Variants in ARGLU1 observed in about 807,000 individuals in gnomAD.
ARGLU1 encodes arginine and glutamate rich 1, also known as arginine and glutamate-rich protein 1.
In ARGLU1, 9 loss-of-function variants were observed where a neutral mutation model predicts 37.6. That is an observed-to-expected ratio of 0.24 (90% confidence interval 0.14 to 0.42). ARGLU1 has a LOEUF of 0.42. Ranked by LOEUF, ARGLU1 falls within the 10% of genes least tolerant of loss-of-function variation. The pLI is 1.00. For missense variants in ARGLU1, 211 were observed against 359.2 expected, an observed-to-expected ratio of 0.59 and a Z score of 3.34; for synonymous variants, 166 against 138.5, an observed-to-expected ratio of 1.20 and a Z score of -1.39.
chr13:106,549,774 A>G (rs1021433311), intron 3 of ARGLU1, among the ~76,000 whole-genome samples: 5 of 152,298 alleles, frequency 3.3e-5, no homozygotes, highest in South Asian at 2.1e-4. Flanking sequence ...ACCTTAGATA[A>G]TATCTCCATG....
chr13:106,556,681 A>C (rs946750076), intron 3 of ARGLU1, among the ~76,000 whole-genome samples: 9 of 152,212 alleles, frequency 5.9e-5, no homozygotes, highest in Non-Finnish European at 1.3e-4. Context: ...CAAGCCAACT[A>C]ATACAAAGTA....
At chr13:106,564,036 C>T (rs1323787415) in intron 1 of ARGLU1, among the ~76,000 whole-genome samples, 1 of 152,150 alleles carries the variant, frequency 6.6e-6, no homozygotes, top group Admixed American at 6.5e-5. Flanking sequence ...GAAAATGGTG[C>T]TACTGGTGTG....
rs1262305877 is a variant in ARGLU1 at position 106,567,761 on chromosome 13, C to G, written c.159G>C (p.Glu53Asp). 3 of 1,612,224 alleles carry G rather than the reference C, an allele frequency of 1.9e-6. No homozygotes were observed. In the East Asian group the frequency reaches 6.7e-5, roughly 36 times the overall value. The change falls in exon 1 of 4, where the codon GAG becomes GAC. Residue 53 changes from glutamate to aspartate, a missense_variant. Physicochemically the swap from Glu to Asp is conservative, Grantham distance 45. Transcript: ENST00000400198. This position sits in a 1 kb window ranked among gnomAD's most constrained non-coding sequence, Gnocchi z 4.3. ...SRESKRNRRR[E>D]SRSRSRSTNT... ...TGGTGGAGCGCGAACGGGACCGCGA[C>G]TCCCGCCGCCGGTTCCGTTTACTTT...
intron 3 of ARGLU1, among the ~76,000 whole-genome samples, chr13:106,550,978 C>T (rs1880517809): frequency 6.6e-6 from 1 of 152,204 alleles, no homozygotes; most frequent in Non-Finnish European, 1.5e-5. Context: ...GTCCCCTACA[C>T]GTCACATCAT....
At position 106,557,700 on chromosome 13, in the gene ARGLU1, C is replaced by T; in HGVS notation, c.574-569G>A. ...ATAAAGAAACAACATACAAGGAAGG[C>T]TGAGCTGAGGAATGCAGATGTTTAT... On this transcript the variant is annotated intron_variant, in intron 2 of 3. Coordinates refer to ENST00000400198, the MANE Select transcript of ARGLU1 (RefSeq NM_018011.4). This position sits in a 1 kb window ranked among gnomAD's most constrained non-coding sequence, Gnocchi z 5.0. The T allele has an allele frequency of 6.6e-7, 1 of 1,526,444 alleles. No individual in the cohort carries two copies. Among genetic ancestry groups the T allele is most frequent in the Non-Finnish European group, 8.8e-7 (1 of 1,132,552 alleles). 94.6% of individuals were successfully genotyped at this position (1,526,444 alleles called of 1,614,324 possible).
At chr13:106,564,242 T>G (rs1347860018) in intron 1 of ARGLU1, among the ~76,000 whole-genome samples, 1 of 152,254 alleles carries the variant, frequency 6.6e-6, no homozygotes, top group East Asian at 1.9e-4. Flanking sequence ...AGGCTCGGTC[T>G]GGCTCCATGT....
intron 1 of ARGLU1, among the ~76,000 whole-genome samples, chr13:106,562,855 A>T (rs910493558): frequency 2.5e-4 from 18 of 71,554 alleles, no homozygotes; most frequent in African/African-American, 1.1e-3. Context: ...AATAAATAAA[A>T]AATAAAAATT....
rs1179497393 is a variant in ARGLU1 at position 106,557,420 on chromosome 13, C to T, written c.574-289G>A. 6 of 657,998 alleles carry T rather than the reference C, an allele frequency of 9.1e-6. No homozygotes were observed. The highest frequency in any genetic ancestry group is 1.3e-5 in the Non-Finnish European group (6 of 449,660). The allele number at this position is 657,998 out of a possible 1,614,324, so 40.8% of individuals were successfully genotyped here. On this transcript the variant is annotated intron_variant, in intron 2 of 3. Transcript: ENST00000400198. The surrounding 1 kb of genome is among the most constrained non-coding windows in gnomAD (Gnocchi z 5.0). ...TCACACAAATCAACAAGGACAACTA[C>T]AAAACTGGATAGTATTTACCAAATT...
Position 106,551,547 on chromosome 13 carries a change from C to T in ARGLU1, c.657+5501G>A, listed in dbSNP as rs111595863. Among the ~76,000 whole-genome samples the T allele has an allele frequency of 2.0e-3, 301 of 152,326 alleles. 1 individual carries two copies. Among genetic ancestry groups the T allele is most frequent in the Middle Eastern group, 0.014 (4 of 294 alleles). On this transcript the variant is annotated intron_variant, in intron 3 of 3. Transcript: ENST00000400198. ...GACTCAAAACTGGAGCCTCTACCCA[C>T]TGTCCAATTCCAAAACCACTTCCAC...
intron 1 of ARGLU1, among the ~76,000 whole-genome samples, chr13:106,563,440 A>G (rs1880871122): frequency 6.6e-6 from 1 of 152,106 alleles, no homozygotes; most frequent in Admixed American, 6.6e-5. Context: ...CTACCACCCT[A>G]CACCGGTTTC....
At chr13:106,564,584 T>C (rs527711954) in intron 1 of ARGLU1, among the ~76,000 whole-genome samples, 1 of 152,334 alleles carries the variant, frequency 6.6e-6, no homozygotes, top group African/African-American at 2.4e-5. Context: ...GCTTCCACCA[T>C]AGGCTCTTCT....
intron 1 of ARGLU1, among the ~76,000 whole-genome samples, chr13:106,562,105 T>C (rs915924273): frequency 1.3e-4 from 20 of 152,156 alleles, no homozygotes; most frequent in African/African-American, 4.1e-4. Context: ...CTGCAAGGCA[T>C]CCCAATATGA....
At chr13:106,559,768 T>TC (rs1278077546) in intron 1 of ARGLU1, 111 bp from the exon 2 acceptor site, 23 of 1,183,526 alleles carry the variant, frequency 1.9e-5, no homozygotes, top group Admixed American at 2.6e-5. Context: ...TATTCAGTGA[T>TC]TTTTTCAGAA....
intron 1 of ARGLU1, among the ~76,000 whole-genome samples, chr13:106,563,250 T>C (rs968082142): frequency 6.6e-6 from 1 of 152,196 alleles, no homozygotes; most frequent in African/African-American, 2.4e-5. Flanking sequence ...AAGCTTTATA[T>C]ACCATGTCAT....
At chr13:106,565,000 T>G (rs1880921457) in intron 1 of ARGLU1, among the ~76,000 whole-genome samples, 1 of 152,190 alleles carries the variant, frequency 6.6e-6, no homozygotes, top group Non-Finnish European at 1.5e-5. Context: ...CCCTGAATGT[T>G]TCTTAAATCT....
intron 3 of ARGLU1, among the ~76,000 whole-genome samples, chr13:106,546,775 T>C (rs1185953944): frequency 6.6e-6 from 1 of 152,106 alleles, no homozygotes; most frequent in African/African-American, 2.4e-5. Context: ...TGAGGGTACA[T>C]AAAGAACATC....
At chr13:106,558,224 ATCT>A (rs1006737833) in intron 2 of ARGLU1, 100 of 984,708 alleles carry the variant, frequency 1.0e-4, no homozygotes, top group Admixed American at 1.2e-4. Context: ...CTCCAAAAAT[ATCT>A]TCATTATTAA....
intron 3 of ARGLU1, among the ~76,000 whole-genome samples, chr13:106,556,515 A>G (rs1042755795): frequency 6.6e-6 from 1 of 151,636 alleles, no homozygotes; most frequent in Non-Finnish European, 1.5e-5. Context: ...ATTTCTTTAT[A>G]CCATGTAACT....
At chr13:106,554,856 G>T (rs573034091) in intron 3 of ARGLU1, among the ~76,000 whole-genome samples, 2 of 149,750 alleles carry the variant, frequency 1.3e-5, no homozygotes, top group Admixed American at 1.3e-4. Flanking sequence ...CTGCACTCCA[G>T]CCTAGGCAAC....
Sources: allele counts gnomAD v4.1 joint callset (sites outside exome capture counted in the v4.1 genomes callset), GRCh38; gene constraint gnomAD v4.1.1; non-coding constraint Gnocchi (gnomAD v3.1); transcripts MANE v1.5; gene names NCBI Gene and HGNC (gene_info 2026-07-23, HGNC 2026-07-21).